ANKRD44: variants seen among roughly 807,000 people sequenced by gnomAD.
The protein encoded by ANKRD44 is ankyrin repeat domain 44.
A neutral mutation model predicts 116.0 loss-of-function variants in ANKRD44; 35 were observed. That is an observed-to-expected ratio of 0.30 (90% CI 0.23 to 0.40). ANKRD44 has a LOEUF of 0.40. Among genes scored for constraint, ANKRD44 ranks in the 10% least tolerant of loss-of-function variants. The probability of loss-of-function intolerance (pLI) is 1.00; values close to 1 mark genes in which losing one functional copy is unlikely to be tolerated. For synonymous variants in ANKRD44, 435 were observed against 461.8 expected, an observed-to-expected ratio of 0.94 and a Z score of 0.74; for missense variants, 1,014 against 1,242.6, an observed-to-expected ratio of 0.82 and a Z score of 2.77.
intron 10 of ANKRD44, 82 bp downstream of exon 10, chr2:197,099,734 A>G (rs1559060881): frequency 6.4e-7 from 1 of 1,560,418 alleles, no homozygotes; most frequent in East Asian, 2.3e-5. Flanking sequence ...GATAAATGGG[A>G]ACTATCTACT....
At chr2:197,014,520 G>A (rs571626376) in intron 17 of ANKRD44, among the ~76,000 whole-genome samples, 1 of 152,072 alleles carries the variant, frequency 6.6e-6, no homozygotes, top group Non-Finnish European at 1.5e-5. Flanking sequence ...AGACACGGTG[G>A]CTCACACCTA....
At chr2:197,094,360 A>AT (rs2078113445) in intron 10 of ANKRD44, among the ~76,000 whole-genome samples, 1 of 152,246 alleles carries the variant, frequency 6.6e-6, no homozygotes, top group South Asian at 2.1e-4. Context: ...GTAAGGACCC[A>AT]TTGAGATAAT....
At chr2:197,090,085 C>T (rs891256346) in intron 10 of ANKRD44, 53 bp from the exon 11 acceptor site, 30 of 1,360,412 alleles carry the variant, frequency 2.2e-5, no homozygotes, top group Middle Eastern at 1.8e-4. Flanking sequence ...AAGATACATG[C>T]GGAAGGACAA....
intron 16 of ANKRD44, among the ~76,000 whole-genome samples, chr2:197,060,914 G>A (rs150192727): frequency 2.0e-5 from 3 of 152,246 alleles, no homozygotes; most frequent in East Asian, 3.9e-4. Context: ...TGTGTGTACC[G>A]CAGTATCCAT....
rs1559150288 is a variant in ANKRD44 at position 197,207,991 on chromosome 2, G to T, written c.28-20885C>A. On this transcript the variant is annotated intron_variant, in intron 1 of 27. Transcript: ENST00000282272. Reference sequence around the variant, plus strand: ...AGAGGCGACACCAAATGGTGACAGGGAGTTTTGTTGCTATTATTGGGCTGT... The same window carrying T: ...AGAGGCGACACCAAATGGTGACAGGTAGTTTTGTTGCTATTATTGGGCTGT... Among the ~76,000 whole-genome samples the T allele has an allele frequency of 2.0e-5, 3 of 152,274 alleles. No individual in the cohort carries two copies. The East Asian group carries it at 5.8e-4, about 29-fold the overall frequency.
chr2:197,194,493 G>A (rs891457727), intron 1 of ANKRD44, among the ~76,000 whole-genome samples: 4 of 152,176 alleles, frequency 2.6e-5, no homozygotes, highest in African/African-American at 9.7e-5. Context: ...GAAGTCTAAT[G>A]ATTTGCCTGT....
At chr2:197,308,765 C>T (rs2084151045) in intron 1 of ANKRD44, among the ~76,000 whole-genome samples, 1 of 152,194 alleles carries the variant, frequency 6.6e-6, no homozygotes, top group Non-Finnish European at 1.5e-5. Flanking sequence ...CTTTGTAAGA[C>T]CAAGTAATAC....
intron 16 of ANKRD44, among the ~76,000 whole-genome samples, chr2:197,072,267 A>G (rs553676691): frequency 6.6e-6 from 1 of 152,282 alleles, no homozygotes; most frequent in Admixed American, 6.5e-5. Flanking sequence ...AATAATTCCT[A>G]TTCCTTGAAC....
intron 1 of ANKRD44, among the ~76,000 whole-genome samples, chr2:197,278,520 T>A (rs535086225): frequency 6.6e-6 from 1 of 151,602 alleles, no homozygotes; most frequent in African/African-American, 2.4e-5. Context: ...CCACGCCCGG[T>A]TAATTTTTGT....
rs1319457374 is a variant in ANKRD44, at chr2:197,081,998, A to T, written c.1458-273T>A. 3.9e-5 allele frequency among the ~76,000 whole-genome samples: 6 copies of T among 152,180 alleles called. No homozygotes were observed. The East Asian group carries it at 1.2e-3, about 29-fold the overall frequency. The stretch of plus-strand genomic sequence containing the variant: ...ACAATCAAGTTGCCCACCCTTCTAT[A>T]AACATCCTAAACTTCCCAAGTAAAG... On this transcript the variant is annotated intron_variant, in intron 14 of 27. Coordinates refer to ENST00000282272, the MANE Select transcript of ANKRD44 (RefSeq NM_001195144.2).
At chr2:197,116,702 T>C (rs2078719315) in intron 8 of ANKRD44, among the ~76,000 whole-genome samples, 1 of 152,178 alleles carries the variant, frequency 6.6e-6, no homozygotes. Flanking sequence ...ACTCTCTCCT[T>C]GGGCGGTCTC....
At chr2:197,205,244 G>A (rs576837585) in intron 1 of ANKRD44, among the ~76,000 whole-genome samples, 2 of 152,180 alleles carry the variant, frequency 1.3e-5, no homozygotes, top group African/African-American at 2.4e-5. Context: ...TGTTATTTCT[G>A]GTTCTAGATG....
intron 9 of ANKRD44, among the ~76,000 whole-genome samples, chr2:197,110,257 C>T (rs574762414): frequency 6.6e-5 from 10 of 152,236 alleles, no homozygotes; most frequent in East Asian, 1.9e-4. Flanking sequence ...GGATTACAGA[C>T]GTGAGCCACC....
chr2:197,137,458 G>T (rs747128038), intron 3 of ANKRD44, among the ~76,000 whole-genome samples: 1 of 152,200 alleles, frequency 6.6e-6, no homozygotes, highest in Non-Finnish European at 1.5e-5. Context: ...GGAAGCAGGA[G>T]CTGACTAATC....
At chr2:197,247,888 C>G (rs1410394405) in intron 1 of ANKRD44, among the ~76,000 whole-genome samples, 1 of 152,132 alleles carries the variant, frequency 6.6e-6, no homozygotes, top group African/African-American at 2.4e-5. Flanking sequence ...AATGGAGGAG[C>G]CCAAGGTGAA....
downstream of ANKRD44, among the ~76,000 whole-genome samples, chr2:196,985,546 A>G (rs1041590997): frequency 1.3e-5 from 2 of 152,216 alleles, no homozygotes; most frequent in Non-Finnish European, 2.9e-5. Context: ...AAAACAAAAC[A>G]TTATATGGCA....
chr2:197,263,622 G>A (rs1050031355), intron 1 of ANKRD44: 1 of 197,534 alleles, frequency 5.1e-6, no homozygotes, highest in Non-Finnish European at 1.1e-5. Flanking sequence ...CAGATGGCCT[G>A]GGGAACATGG....
chr2:197,131,707 C>T (rs1483568370), intron 4 of ANKRD44, among the ~76,000 whole-genome samples: 2 of 152,198 alleles, frequency 1.3e-5, no homozygotes, highest in East Asian at 3.9e-4. Context: ...GCCACGTCTG[C>T]ACATAGGCCA....
chr2:197,057,946 G>C (rs2077235402), intron 16 of ANKRD44, among the ~76,000 whole-genome samples: 1 of 152,028 alleles, frequency 6.6e-6, no homozygotes. Context: ...TATGTCTAGG[G>C]GTTGGCAGTC....
Sources: allele counts gnomAD v4.1 joint callset (sites outside exome capture counted in the v4.1 genomes callset), GRCh38; gene constraint gnomAD v4.1.1; transcripts MANE v1.5; gene names NCBI Gene and HGNC (gene_info 2026-07-23, HGNC 2026-07-21).